TBC1D32: variants seen among roughly 807,000 people sequenced by gnomAD.
TBC1D32 encodes protein broad-minded.
In TBC1D32, 151 loss-of-function variants were observed where a neutral mutation model predicts 170.3. The ratio of observed to expected loss-of-function variants is 0.89; its 90% confidence interval spans 0.78 to 1.01. TBC1D32 has a LOEUF of 1.01. Among genes scored for constraint, TBC1D32 ranks in the 50% least tolerant of loss-of-function variants. The pLI is 0.00. For synonymous variants in TBC1D32, 498 were observed against 488.0 expected (o/e 1.02, Z -0.27); for missense variants, 1,464 against 1,457.1 (o/e 1.00, Z -0.08).
At chr6:121,292,885 G>C (rs923659606) in intron 11 of TBC1D32, among the ~76,000 whole-genome samples, 1 of 152,020 alleles carries the variant, frequency 6.6e-6, no homozygotes, top group African/African-American at 2.4e-5. Context: ...AAGGTTCGAC[G>C]AGACTGACAA....
chr6:121,145,714 T>C (rs1314972990), intron 24 of TBC1D32, among the ~76,000 whole-genome samples: 4 of 152,158 alleles, frequency 2.6e-5, no homozygotes, highest in South Asian at 2.1e-4. Context: ...ACATGATAAA[T>C]ATATAGAATG....
At chr6:121,333,337 C>T in intron 1 of TBC1D32, among the ~76,000 whole-genome samples, 1 of 152,166 alleles carries the variant, frequency 6.6e-6, no homozygotes. Flanking sequence ...TAAAGATCTT[C>T]AAGATCTACC....
At chr6:121,148,195 C>A (rs1460205474) in intron 24 of TBC1D32, among the ~76,000 whole-genome samples, 1 of 151,982 alleles carries the variant, frequency 6.6e-6, no homozygotes, top group Non-Finnish European at 1.5e-5. Flanking sequence ...CCCATATGTT[C>A]TCATTGTTCA....
chr6:121,168,444 C>A, intron 22 of TBC1D32, among the ~76,000 whole-genome samples: 1 of 99,954 alleles, frequency 1.0e-5, no homozygotes, highest in Non-Finnish European at 2.1e-5. Context: ...CCATCATTCT[C>A]AGTAACCTAT....
At chr6:121,204,992 T>A (rs564574488) in intron 22 of TBC1D32, 83 bp downstream of exon 22, 2 of 742,172 alleles carry the variant, frequency 2.7e-6, no homozygotes, top group African/African-American at 3.8e-5. Context: ...TAATTTTAAA[T>A]ACTTTTTTAA....
chr6:121,117,146 T>C (rs141556468), intron 26 of TBC1D32, among the ~76,000 whole-genome samples: 491 of 152,290 alleles, frequency 3.2e-3, no homozygotes, highest in African/African-American at 0.011. Context: ...AGAGTTACAA[T>C]TGGACAGTTA....
At chr6:121,223,121 CT>C in intron 21 of TBC1D32, 114 bp downstream of exon 21, 2 of 651,650 alleles carry the variant, frequency 3.1e-6, no homozygotes, top group Admixed American at 3.4e-5. Context: ...CAAATCAGCC[CT>C]TAAATGCCAT....
In TBC1D32 at chr6:121,304,896, AT is replaced by A. The variant is rs1807090177; in HGVS notation, c.691-64del. On this transcript the variant is annotated intron_variant, in intron 5 of 31. Coordinates refer to ENST00000398212, the MANE Select transcript of TBC1D32 (RefSeq NM_152730.6). Reference sequence around the variant, plus strand: ...CACAAGAATAGAATAGAGATGAAACATTTTTCACACAGTAAAAACTCAGAAA... The same window carrying A: ...CACAAGAATAGAATAGAGATGAAACATTTTCACACAGTAAAAACTCAGAAA... The A allele has an allele frequency of 5.6e-6, 6 of 1,075,230 alleles. 1 individual carries two copies. The highest frequency in any genetic ancestry group is 4.2e-5 in the South Asian group (3 of 71,886). 66.6% of individuals were successfully genotyped at this position (1,075,230 alleles called of 1,614,324 possible).
intron 26 of TBC1D32, among the ~76,000 whole-genome samples, chr6:121,122,679 T>C (rs1780392350): frequency 6.6e-6 from 1 of 152,110 alleles, no homozygotes; most frequent in Non-Finnish European, 1.5e-5. Context: ...TCATTTATCA[T>C]TACACCTTTT....
At chr6:121,276,033 T>A (rs1157951188) in intron 15 of TBC1D32, among the ~76,000 whole-genome samples, 1 of 148,954 alleles carries the variant, frequency 6.7e-6, no homozygotes, top group Non-Finnish European at 1.5e-5. Context: ...AGCACGAGAA[T>A]CACTTGAGCC....
rs576164656 is a variant in TBC1D32, at chr6:121,265,663, G to A, written c.1734-9378C>T. 2.9e-4 allele frequency among the ~76,000 whole-genome samples: 44 copies of A among 151,862 alleles called. No homozygotes were observed. In the South Asian group the frequency reaches 7.5e-3, roughly 26 times the overall value. ...AACAAATCTGGAGGCATCATGCTAC[G>A]TGACTTCAACTATACTAAAAGACTA... On this transcript the variant is annotated intron_variant, in intron 15 of 31. Transcript: ENST00000398212.
chr6:121,283,615 T>C (rs892283470), intron 13 of TBC1D32, among the ~76,000 whole-genome samples: 2 of 151,890 alleles, frequency 1.3e-5, no homozygotes, highest in African/African-American at 4.8e-5. Flanking sequence ...AAAAGAGTAG[T>C]AGAGTGGAAA....
chr6:121,221,535 T>C lies in TBC1D32; in HGVS notation c.2481+1701A>G, dbSNP rs530322875. On this transcript the variant is annotated intron_variant, in intron 21 of 31. Coordinates refer to ENST00000398212, the MANE Select transcript of TBC1D32 (RefSeq NM_152730.6). ...TTCTGGAAAGGATTCACCATTAAGA[T>C]GCCACATCTGTGATTCACGAGAAGA... 3.9e-5 allele frequency among the ~76,000 whole-genome samples: 6 copies of C among 152,338 alleles called. No homozygotes were observed. The South Asian group carries it at 1.2e-3, about 32-fold the overall frequency.
At chr6:121,258,781 C>A (rs1467387416) in intron 15 of TBC1D32, among the ~76,000 whole-genome samples, 1 of 152,066 alleles carries the variant, frequency 6.6e-6, no homozygotes, top group Non-Finnish European at 1.5e-5. Flanking sequence ...CTTTTATAGA[C>A]AGCTCAGTGC....
chr6:121,236,963 T>G (rs1283231161), intron 20 of TBC1D32: 1 of 152,102 alleles, frequency 6.6e-6, no homozygotes, highest in Non-Finnish European at 1.5e-5. Context: ...GCTTCTATAC[T>G]CACTTACCTA....
intron 12 of TBC1D32, among the ~76,000 whole-genome samples, chr6:121,287,328 A>G (rs948276914): frequency 1.3e-5 from 2 of 152,138 alleles, no homozygotes; most frequent in African/African-American, 4.8e-5. Context: ...CAAATGGAAA[A>G]CAAAAAAAGG....
rs77074486 is a variant in TBC1D32 at position 121,269,567 on chromosome 6, C to T, written c.1733+9554G>A. ...AATTCAACAGGAAGAGCTAACTATC[C>T]GAAACATATATGTACCCAATACAGG... On this transcript the variant is annotated intron_variant, in intron 15 of 31. Transcript: ENST00000398212. 3.3e-3 allele frequency among the ~76,000 whole-genome samples: 507 copies of T among 152,116 alleles called. 14 individuals are homozygous for T. The East Asian group carries it at 0.059, about 18-fold the overall frequency.
intron 9 of TBC1D32, among the ~76,000 whole-genome samples, chr6:121,301,417 C>T (rs538478295): frequency 6.1e-4 from 93 of 152,238 alleles, no homozygotes; most frequent in African/African-American, 1.8e-3. Flanking sequence ...AACCATCATT[C>T]TCAGCAAACT....
At chr6:121,231,199 G>C (rs1795689764) in intron 20 of TBC1D32, among the ~76,000 whole-genome samples, 2 of 151,982 alleles carry the variant, frequency 1.3e-5, no homozygotes, top group South Asian at 4.1e-4. Context: ...ACCATTTTTT[G>C]AATAGGGTGT....
Sources: gnomAD v4.1 joint callset for allele counts (sites outside exome capture counted in the v4.1 genomes callset) on GRCh38, gnomAD v4.1.1 for gene constraint, MANE v1.5 for transcripts, NCBI Gene and HGNC (gene_info 2026-07-23, HGNC 2026-07-21) for gene names.